The following MTUS2 variants were observed in gnomAD, a reference collection of about 807,000 sequenced individuals.
The protein encoded by MTUS2 is microtubule-associated tumor suppressor candidate 2.
MTUS2 carries 40 observed loss-of-function variants against 114.1 expected under a neutral mutation model. The observed-to-expected ratio is 0.35, with a 90% CI of 0.27 to 0.46. MTUS2 has a LOEUF of 0.46. Ranked by LOEUF, MTUS2 falls within the 20% of genes least tolerant of loss-of-function variation. The probability of loss-of-function intolerance (pLI) is 1.00; values close to 1 mark genes in which losing one functional copy is unlikely to be tolerated. For synonymous variants in MTUS2, 688 were observed against 672.0 expected (o/e 1.02, Z -0.37); for missense variants, 1,679 against 1,705.4 (o/e 0.98, Z 0.27).
rs113539534 is a variant in MTUS2 at position 28,953,167 on chromosome 13, A to AT, written c.-242-71276dup. ...TGACTTTGCTGGGAATTTCCTATTC[A>AT]TTTTTTTTTTTTTTGCACATTTTTC... On this transcript the variant is annotated intron_variant, in intron 2 of 15. Transcript: ENST00000612955. Among the ~76,000 whole-genome samples, 1,019 of 138,110 alleles carry AT rather than the reference A, an allele frequency of 7.4e-3. 14 individuals are homozygous for AT. The highest frequency in any genetic ancestry group is 0.021 in the African/African-American group (788 of 37,938). The allele number at this position is 138,110 out of a possible 152,430, so 90.6% of individuals were successfully genotyped here.
chr13:29,502,765 G>A (rs9579380), intron 15 of MTUS2, among the ~76,000 whole-genome samples: 30,939 of 152,208 alleles, frequency 0.2, 3,314 homozygotes, highest in Non-Finnish European at 0.22. Flanking sequence ...ACCGGGCAGA[G>A]GGCCTGTGGG....
intron 4 of MTUS2, among the ~76,000 whole-genome samples, chr13:29,069,759 T>C (rs998684867): frequency 4.6e-5 from 7 of 152,244 alleles, no homozygotes; most frequent in African/African-American, 1.7e-4. Context: ...CTGAAGCGTA[T>C]GGCCCTTGCA....
intron 9 of MTUS2, among the ~76,000 whole-genome samples, chr13:29,471,095 C>T (rs1483934563): frequency 2.6e-5 from 4 of 152,104 alleles, no homozygotes; most frequent in East Asian, 3.9e-4. Flanking sequence ...GTGATCATAA[C>T]ACTTTGGGAG....
intron 5 of MTUS2, among the ~76,000 whole-genome samples, chr13:29,158,284 G>T (rs1042353900): frequency 6.7e-6 from 1 of 148,624 alleles, no homozygotes; most frequent in Non-Finnish European, 1.5e-5. Context: ...ATGTACTTTC[G>T]TATTTACACC....
At chr13:28,877,731 A>G (rs1323247677) in intron 2 of MTUS2, among the ~76,000 whole-genome samples, 1 of 152,234 alleles carries the variant, frequency 6.6e-6, no homozygotes, top group African/African-American at 2.4e-5. Context: ...ATCCATAGTA[A>G]TATGGGATAT....
At chr13:29,209,493 T>TG (rs1175342655) in intron 5 of MTUS2, among the ~76,000 whole-genome samples, 2 of 150,458 alleles carry the variant, frequency 1.3e-5, no homozygotes, top group East Asian at 4.1e-4. Context: ...ACCTTGTTGT[T>TG]TTTTTTTTTC....
chr13:29,251,907 A>G (rs1369104253), intron 5 of MTUS2, among the ~76,000 whole-genome samples: 1 of 152,186 alleles, frequency 6.6e-6, no homozygotes, highest in African/African-American at 2.4e-5. Context: ...GAGTCTACAA[A>G]TATCTATTTG....
At chr13:28,920,803 G>A (rs1335413085) in intron 2 of MTUS2, among the ~76,000 whole-genome samples, 1 of 152,160 alleles carries the variant, frequency 6.6e-6, no homozygotes, top group Non-Finnish European at 1.5e-5. Context: ...CTTTCCATAG[G>A]CAGAGGAGCC....
At chr13:29,097,240 T>A (rs1012460856) in intron 4 of MTUS2, among the ~76,000 whole-genome samples, 21 of 152,142 alleles carry the variant, frequency 1.4e-4, no homozygotes, top group Non-Finnish European at 2.4e-4. Flanking sequence ...TTTAGTAGAG[T>A]TTCTTATATA....
chr13:29,098,629 C>A (rs1254481551), intron 4 of MTUS2, among the ~76,000 whole-genome samples: 1 of 152,130 alleles, frequency 6.6e-6, no homozygotes, highest in Non-Finnish European at 1.5e-5. Context: ...TCTACATGTT[C>A]CAGTGCTACT....
At chr13:29,407,352 CTAAAG>C (rs1356658270) in intron 8 of MTUS2, among the ~76,000 whole-genome samples, 1 of 151,326 alleles carries the variant, frequency 6.6e-6, no homozygotes, top group African/African-American at 2.4e-5. Flanking sequence ...AAGTTTCTCT[CTAAAG>C]TATATATTTA....
chr13:29,173,749 C>T (rs1353005615), intron 5 of MTUS2, among the ~76,000 whole-genome samples: 2 of 151,992 alleles, frequency 1.3e-5, no homozygotes, highest in Non-Finnish European at 2.9e-5. Flanking sequence ...AATTATATTG[C>T]TCTTCTCACT....
chr13:29,111,106 C>T (rs1890866244), intron 5 of MTUS2, among the ~76,000 whole-genome samples: 1 of 152,054 alleles, frequency 6.6e-6, no homozygotes, highest in Non-Finnish European at 1.5e-5. Context: ...AATGGAACCA[C>T]TTATGGTCTT....
At chr13:28,993,941 G>A (rs940171334) in intron 2 of MTUS2, among the ~76,000 whole-genome samples, 1 of 151,776 alleles carries the variant, frequency 6.6e-6, no homozygotes, top group African/African-American at 2.4e-5. Flanking sequence ...TAGGGTACAT[G>A]TGCACAACGT....
intron 2 of MTUS2, among the ~76,000 whole-genome samples, chr13:28,869,626 C>T (rs1288339127): frequency 3.9e-5 from 6 of 152,052 alleles, no homozygotes; most frequent in Non-Finnish European, 7.4e-5. Context: ...AAAAAATTAG[C>T]TGGGCGTGGT....
intron 4 of MTUS2, among the ~76,000 whole-genome samples, chr13:29,077,810 A>G (rs1889262824): frequency 6.6e-6 from 1 of 152,234 alleles, no homozygotes; most frequent in Admixed American, 6.5e-5. Context: ...AACGTTTGAC[A>G]ATGTTGGATG....
At chr13:29,465,506 G>A (rs547021740) in intron 9 of MTUS2, among the ~76,000 whole-genome samples, 1 of 152,254 alleles carries the variant, frequency 6.6e-6, no homozygotes, top group Non-Finnish European at 1.5e-5. Context: ...CCAGGTAATC[G>A]CGTAGGCTAC....
chr13:29,264,912 G>A (rs1897611490), intron 5 of MTUS2, among the ~76,000 whole-genome samples: 1 of 152,234 alleles, frequency 6.6e-6, no homozygotes. Flanking sequence ...TTGGATATTA[G>A]CACTTGACTC....
intron 6 of MTUS2, among the ~76,000 whole-genome samples, chr13:29,313,309 G>T (rs1002762009): frequency 8.5e-5 from 13 of 152,232 alleles, no homozygotes; most frequent in African/African-American, 3.1e-4. Context: ...CAAAAGATTT[G>T]GCATTTTATT....
Sources: gnomAD v4.1 joint callset for allele counts (sites outside exome capture counted in the v4.1 genomes callset) on GRCh38, gnomAD v4.1.1 for gene constraint, MANE v1.5 for transcripts, NCBI Gene and HGNC (gene_info 2026-07-23, HGNC 2026-07-21) for gene names.